ZNF605: variants seen among roughly 807,000 people sequenced by gnomAD.
ZNF605 encodes zinc finger protein 605.
A neutral mutation model predicts 7.9 loss-of-function variants in ZNF605; 9 were observed. The observed-to-expected ratio is 1.14, with a 90% CI of 0.68 to 1.98. ZNF605 has a LOEUF of 1.98. Ranked by LOEUF, ZNF605 falls within the 30% of genes most tolerant of loss-of-function variation. The probability of loss-of-function intolerance (pLI) is 0.00; values close to 1 mark genes in which losing one functional copy is unlikely to be tolerated. For missense variants in ZNF605, 673 were observed against 762.4 expected (o/e 0.88, Z 1.38); for synonymous variants, 255 against 260.1 (o/e 0.98, Z 0.19).
chr12:132,940,356 G>A (rs2137147269), intron 3 of ZNF605, among the ~76,000 whole-genome samples: 1 of 152,294 alleles, frequency 6.6e-6, no homozygotes, highest in Non-Finnish European at 1.5e-5. Flanking sequence ...GCTGGCTCCT[G>A]GTTAAAAAGG....
intron 2 of ZNF605, among the ~76,000 whole-genome samples, chr12:132,946,863 C>G (rs12315945): frequency 1.3e-5 from 2 of 152,274 alleles, no homozygotes; most frequent in East Asian, 1.9e-4. Flanking sequence ...TTCCCTCACG[C>G]GCATCTCCAG....
At chr12:132,951,846 T>C (rs1952574009) in intron 1 of ZNF605, among the ~76,000 whole-genome samples, 1 of 151,050 alleles carries the variant, frequency 6.6e-6, no homozygotes, top group Admixed American at 6.6e-5. Flanking sequence ...CATACACGCA[T>C]ACATCACACA....
Position 132,945,806 on chromosome 12 carries a change from G to T in ZNF605, c.-162-9C>A, listed in dbSNP as rs1952489103. ...TTCCAGAGGGCTATTGCCTGTGGAT[G>T]CAGTGGACATTTTATTTTAGATGAT... On this transcript the variant is annotated splice_polypyrimidine_tract_variant and intron_variant, in intron 2 of 4. Coordinates refer to ENST00000360187, the MANE Select transcript of ZNF605 (RefSeq NM_183238.4). 9.1e-6 allele frequency: 8 copies of T among 875,462 alleles called. No homozygotes were observed. The highest frequency in any genetic ancestry group is 6.0e-5 in the South Asian group (4 of 66,798). 54.2% of individuals were successfully genotyped at this position (875,462 alleles called of 1,614,324 possible). A position where few individuals can be genotyped will look rare whatever the true frequency, so the allele number is the denominator to read the frequency against.
intron 4 of ZNF605, among the ~76,000 whole-genome samples, chr12:132,931,457 T>C (rs1017665167): frequency 1.6e-4 from 25 of 152,304 alleles, no homozygotes; most frequent in African/African-American, 5.5e-4. Flanking sequence ...GCTACGTGGA[T>C]AGAGATTTCA....
At chr12:132,931,166 T>C (rs894621420) in intron 4 of ZNF605, among the ~76,000 whole-genome samples, 1 of 152,204 alleles carries the variant, frequency 6.6e-6, no homozygotes, top group Non-Finnish European at 1.5e-5. Flanking sequence ...CGTGACAAAG[T>C]GAGACCTTGT....
At position 132,923,162 on chromosome 12, in the gene ZNF605, CTAAA is replaced by C. The variant is rs1270171454; in HGVS notation, c.*2207_*2210del. 4 of 152,328 alleles carry C rather than the reference CTAAA, an allele frequency of 2.6e-5. No individual in the cohort carries two copies. Among genetic ancestry groups the C allele is most frequent in the East Asian group, 3.9e-4 (2 of 5,190 alleles). The allele number at this position is 152,328 out of a possible 1,614,324, so 9.4% of individuals were successfully genotyped here. On this transcript the variant is annotated 3_prime_UTR_variant, in exon 5 of 5. Coordinates refer to ENST00000360187, the MANE Select transcript of ZNF605 (RefSeq NM_183238.4). ...GTGTTATCGTCATCACACTTTACTT[CTAAA>C]TAAACTCCAAATACGTTATCATTAC... is the stretch of plus-strand genomic sequence containing the variant.
In ZNF605 at chr12:132,945,620, C is replaced by T; in HGVS notation, c.15+1G>A. The T allele has an allele frequency of 6.2e-7, 1 of 1,613,914 alleles. No individual in the cohort carries two copies. The highest frequency in any genetic ancestry group is 2.2e-5 in the East Asian group (1 of 44,858). ...AAACAGAGGATAAACCGATAACCCACCTGTGACTGGATCATTTTCCGCTGC... is the reference window on the plus strand; with the variant it reads ...AAACAGAGGATAAACCGATAACCCATCTGTGACTGGATCATTTTCCGCTGC... On this transcript the variant is annotated splice_donor_variant, in intron 3 of 4. Coordinates refer to ENST00000360187, the MANE Select transcript of ZNF605 (RefSeq NM_183238.4). LOFTEE classifies it high-confidence loss of function.
In ZNF605 at chr12:132,926,607, T is replaced by C. The variant is rs1952250317; in HGVS notation, c.692A>G (p.Gln231Arg). The change falls in exon 5 of 5, where the codon CAG (glutamine) becomes CGG (arginine). Residue 231 changes from glutamine to arginine, a missense_variant. Coordinates refer to ENST00000360187, the MANE Select transcript of ZNF605 (RefSeq NM_183238.4). ...GEKPHGCSEC[Q>R]KAFSRKSLLI... ...GAGTGACTTCCTACTAAAAGCTTTC[T>C]GACATTCGCTGCACCCATGCGGTTT... 2 of 1,614,098 alleles carry C rather than the reference T, an allele frequency of 1.2e-6. No homozygotes were observed. The highest frequency in any genetic ancestry group is 2.2e-5 in the South Asian group (2 of 91,090).
In ZNF605 at chr12:132,941,240, G is replaced by A. The variant is rs1463369452; in HGVS notation, c.15+4381C>T. On this transcript the variant is annotated intron_variant, in intron 3 of 4. Transcript: ENST00000360187. This position sits in a 1 kb window ranked among gnomAD's most constrained non-coding sequence, Gnocchi z 5.1. ...CAGAGATGCAGACATGGCCTAGACC[G>A]AGCCTCCGCGTGTGCTGCTTCTGCT... Among the ~76,000 whole-genome samples, 1 of 152,064 alleles carries A rather than the reference G, an allele frequency of 6.6e-6. No individual in the cohort carries two copies. The highest frequency in any genetic ancestry group is 1.5e-5 in the Non-Finnish European group (1 of 68,010).
chr12:132,951,123 T>C (rs1952559092), intron 1 of ZNF605, among the ~76,000 whole-genome samples: 1 of 149,148 alleles, frequency 6.7e-6, no homozygotes, highest in Non-Finnish European at 1.5e-5. Context: ...GACACACTGA[T>C]ACACAAGTAC....
chr12:132,946,201 C>G (rs1952492703), intron 2 of ZNF605, among the ~76,000 whole-genome samples: 1 of 151,806 alleles, frequency 6.6e-6, no homozygotes, highest in East Asian at 1.9e-4. Flanking sequence ...GCACCTAAAT[C>G]AAATTACTTG....
At chr12:132,954,650 C>A (rs1952616567) in intron 1 of ZNF605, among the ~76,000 whole-genome samples, 1 of 151,438 alleles carries the variant, frequency 6.6e-6, no homozygotes, top group Non-Finnish European at 1.5e-5. Context: ...TCCCTTATCC[C>A]CGGGGCCCCC....
chr12:132,928,886 G>A (rs961844073), intron 4 of ZNF605, among the ~76,000 whole-genome samples: 1 of 151,808 alleles, frequency 6.6e-6, no homozygotes, highest in East Asian at 1.9e-4. Context: ...GTGTGGTGGT[G>A]CACACGTGAA....
intron 4 of ZNF605, among the ~76,000 whole-genome samples, chr12:132,929,283 T>C (rs1222761962): frequency 1.3e-5 from 2 of 151,398 alleles, no homozygotes; most frequent in African/African-American, 4.9e-5. Flanking sequence ...GGTGCACACC[T>C]GTAGTCCCAG....
At chr12:132,930,556 G>A (rs2137130016) in intron 4 of ZNF605, among the ~76,000 whole-genome samples, 1 of 152,222 alleles carries the variant, frequency 6.6e-6, no homozygotes, top group Non-Finnish European at 1.5e-5. Flanking sequence ...ACTTGTCATT[G>A]AGCTTCTAAT....
chr12:132,944,164 C>T (rs1043282928), intron 3 of ZNF605, among the ~76,000 whole-genome samples: 1 of 152,100 alleles, frequency 6.6e-6, no homozygotes, highest in Admixed American at 6.6e-5. Context: ...GCGCCTTCCT[C>T]CTCCTGCTTT....
chr12:132,925,146 A>G lies in ZNF605; in HGVS notation c.*227T>C. ...AATAAGGTTTTCACCTCAATGAGTC[A>G]TCCAATATGTAACGAGTAGTGTCTT... On this transcript the variant is annotated 3_prime_UTR_variant, in exon 5 of 5. Coordinates refer to ENST00000360187, the MANE Select transcript of ZNF605 (RefSeq NM_183238.4). The G allele has an allele frequency of 2.4e-6, 1 of 425,114 alleles. No homozygotes were observed. Among genetic ancestry groups the G allele is most frequent in the Non-Finnish European group, 4.1e-6 (1 of 241,308 alleles). The allele number at this position is 425,114 out of a possible 1,614,324, so 26.3% of individuals were successfully genotyped here. A position where few individuals can be genotyped will look rare whatever the true frequency, so the allele number is the denominator to read the frequency against.
intron 2 of ZNF605, among the ~76,000 whole-genome samples, chr12:132,947,445 T>A (rs1952505897): frequency 6.6e-6 from 1 of 152,054 alleles, no homozygotes; most frequent in South Asian, 2.1e-4. Context: ...CCTGAGTAGC[T>A]GGGACTATAG....
intron 1 of ZNF605, among the ~76,000 whole-genome samples, chr12:132,954,417 G>A (rs1175981740): frequency 9.9e-6 from 1 of 101,240 alleles, no homozygotes; most frequent in Non-Finnish European, 2.1e-5. Context: ...GAGGGGATGA[G>A]AAGGATGGGG....
Sources: gnomAD v4.1 joint callset for allele counts (sites outside exome capture counted in the v4.1 genomes callset) on GRCh38, gnomAD v4.1.1 for gene constraint, Gnocchi (gnomAD v3.1) non-coding constraint, MANE v1.5 for transcripts, NCBI Gene and HGNC (gene_info 2026-07-23, HGNC 2026-07-21) for gene names.